Variants in NYAP2 observed in about 807,000 individuals in gnomAD.
NYAP2 encodes neuronal tyrosine-phosphorylated phosphoinositide-3-kinase adaptor 2.
NYAP2 carries 23 observed loss-of-function variants against 50.4 expected under a neutral mutation model. The ratio of observed to expected loss-of-function variants is 0.46; its 90% CI spans 0.33 to 0.65. NYAP2 has a LOEUF of 0.65. Among genes scored for constraint, NYAP2 ranks in the 30% least tolerant of loss-of-function variants. The pLI, the probability that NYAP2 is intolerant of heterozygous loss-of-function variation, is 0.02. For synonymous variants in NYAP2, 394 were observed against 365.2 expected (o/e 1.08, Z -0.90); for missense variants, 885 against 861.0 (o/e 1.03, Z -0.35).
rs1249412771 is a variant in NYAP2, at chr2:225,649,499, T to C, written c.1829-1933T>C. On this transcript the variant is annotated intron_variant, in intron 6 of 6. Transcript: ENST00000636099. ...TATCACAGCACCCTCTACGTCTTCC[T>C]TCTAACATATTTCCTAATTTTTGGC... Among the ~76,000 whole-genome samples, 4 of 152,200 alleles carry C rather than the reference T, an allele frequency of 2.6e-5. No homozygotes were observed. In the East Asian group the frequency reaches 7.7e-4, roughly 29 times the overall value.
In NYAP2 at chr2:225,582,353, A is replaced by G. The variant is rs1459551412; in HGVS notation, c.936A>G (p.Pro312=). The change falls in exon 5 of 7, where the codon CCA becomes CCG. Residue 312 remains proline, a synonymous_variant. Coordinates refer to ENST00000636099, the Ensembl canonical transcript of NYAP2. This position sits in a 1 kb window ranked among gnomAD's most constrained non-coding sequence, Gnocchi z 7.0. The stretch of plus-strand genomic sequence containing the variant: ...TGGACTTCGCCAAGGCCTCAGTGCC[A>G]TGCCCCCCCAAGGGGCTGCTTTGCG... 1.9e-6 allele frequency: 3 copies of G among 1,613,538 alleles called. No individual in the cohort carries two copies. Among genetic ancestry groups the G allele is most frequent in the Non-Finnish European group, 1.7e-6 (2 of 1,179,496 alleles).
the NYAP2 span, among the ~76,000 whole-genome samples, chr2:225,668,055 C>A: frequency 6.6e-6 from 1 of 152,098 alleles, no homozygotes; most frequent in Non-Finnish European, 1.5e-5. Context: ...CAATATTATA[C>A]CCCTCCCCAG....
At chr2:225,508,747 G>A (rs1203312531) in intron 3 of NYAP2, among the ~76,000 whole-genome samples, 2 of 152,230 alleles carry the variant, frequency 1.3e-5, no homozygotes, top group African/African-American at 4.8e-5. Flanking sequence ...AAGTAATCAG[G>A]TGTAATACCT....
chr2:225,609,063 T>G (rs1051128454), intron 5 of NYAP2, among the ~76,000 whole-genome samples: 1 of 152,174 alleles, frequency 6.6e-6, no homozygotes, highest in Non-Finnish European at 1.5e-5. Context: ...TCTTGTCATA[T>G]TCTTGCTCAA....
At chr2:225,645,191 G>A (rs1693608462) in intron 6 of NYAP2, among the ~76,000 whole-genome samples, 1 of 151,318 alleles carries the variant, frequency 6.6e-6, no homozygotes, top group South Asian at 2.1e-4. Context: ...CCGGAAGGTG[G>A]AGGTTGCAGT....
intron 5 of NYAP2, among the ~76,000 whole-genome samples, chr2:225,587,090 A>G (rs1185521716): frequency 6.6e-6 from 1 of 152,168 alleles, no homozygotes; most frequent in Non-Finnish European, 1.5e-5. Context: ...CTATCACAAG[A>G]ACAGCATGGG....
At chr2:225,676,743 C>T in the NYAP2 span, among the ~76,000 whole-genome samples, 8 of 152,200 alleles carry the variant, frequency 5.3e-5, no homozygotes, top group East Asian at 9.7e-4. Context: ...ATGGGAGCCA[C>T]AAGATAAGAT....
At chr2:225,585,960 A>C (rs1692383420) in intron 5 of NYAP2, among the ~76,000 whole-genome samples, 1 of 152,228 alleles carries the variant, frequency 6.6e-6, no homozygotes, top group Non-Finnish European at 1.5e-5. Flanking sequence ...AGTGATATGA[A>C]GTAGTATAAC....
At chr2:225,697,372 T>C in the NYAP2 span, among the ~76,000 whole-genome samples, 1 of 151,982 alleles carries the variant, frequency 6.6e-6, no homozygotes, top group Non-Finnish European at 1.5e-5. Context: ...CAGGGACCAA[T>C]GGTTCTAATG....
chr2:225,592,566 AT>A (rs1028702450), intron 5 of NYAP2, among the ~76,000 whole-genome samples: 2 of 151,944 alleles, frequency 1.3e-5, no homozygotes, highest in Non-Finnish European at 2.9e-5. Context: ...AAGTGAAGGG[AT>A]TTTTTTTCAG....
chr2:225,415,115 G>A (rs997312732), intron 3 of NYAP2, among the ~76,000 whole-genome samples: 5 of 152,004 alleles, frequency 3.3e-5, no homozygotes, highest in East Asian at 1.9e-4. Flanking sequence ...TGTTCCCTGT[G>A]GATGCCCTCA....
chr2:225,692,990 C>T, the NYAP2 span, among the ~76,000 whole-genome samples: 1 of 151,830 alleles, frequency 6.6e-6, no homozygotes, highest in Admixed American at 6.6e-5. Context: ...ATAGTGGGTT[C>T]CCACATATTC....
the NYAP2 span, among the ~76,000 whole-genome samples, chr2:225,697,524 G>A: frequency 2.6e-5 from 4 of 151,828 alleles, no homozygotes; most frequent in East Asian, 5.8e-4. Context: ...ACTACATTCT[G>A]TTTATAAATA....
chr2:225,631,552 T>C (rs1693316092), intron 6 of NYAP2, among the ~76,000 whole-genome samples: 1 of 152,188 alleles, frequency 6.6e-6, no homozygotes, highest in African/African-American at 2.4e-5. Flanking sequence ...GAGTTACATA[T>C]ATAATGTCAG....
the NYAP2 span, among the ~76,000 whole-genome samples, chr2:225,665,054 G>A: frequency 1.3e-5 from 2 of 152,190 alleles, no homozygotes; most frequent in African/African-American, 4.8e-5. Context: ...AAGGGATTAT[G>A]AAGCCTTCTC....
At chr2:225,533,308 T>C (rs7557191) in intron 4 of NYAP2, among the ~76,000 whole-genome samples, 1,722 of 152,298 alleles carry the variant, frequency 0.011, 26 homozygotes, top group African/African-American at 0.039. Flanking sequence ...ACTCTCCATA[T>C]ACAATCATTA....
At chr2:225,500,803 G>A (rs888703180) in intron 3 of NYAP2, among the ~76,000 whole-genome samples, 1 of 152,168 alleles carries the variant, frequency 6.6e-6, no homozygotes, top group African/African-American at 2.4e-5. Context: ...TACCTGGGAA[G>A]TACAGGTTTC....
intron 6 of NYAP2, among the ~76,000 whole-genome samples, chr2:225,634,660 G>A (rs1221598081): frequency 1.3e-5 from 2 of 152,210 alleles, no homozygotes; most frequent in Non-Finnish European, 2.9e-5. Flanking sequence ...CAAATGGTCA[G>A]GCAACCTGCA....
chr2:225,582,515 G>T lies in NYAP2; in HGVS notation c.1098G>T (p.Leu366=), dbSNP rs1174044160. 6.4e-7 allele frequency: 1 copy of T among 1,558,012 alleles called. No homozygotes were observed. The highest frequency in any genetic ancestry group is 2.3e-5 in the East Asian group (1 of 43,984). ...TGGAGGTCACGAAGCTTCCCGTGCT[G>T]GAAAACGTGTCTTACATGAAACAGC... The change falls in exon 5 of 7, where the codon CTG becomes CTT. Residue 366 remains leucine (L), a synonymous_variant. Coordinates refer to ENST00000636099, the Ensembl canonical transcript of NYAP2. This position sits in a 1 kb window ranked among gnomAD's most constrained non-coding sequence, Gnocchi z 7.0.
Sources: gnomAD v4.1 joint callset for allele counts (sites outside exome capture counted in the v4.1 genomes callset) on GRCh38, gnomAD v4.1.1 for gene constraint, Gnocchi (gnomAD v3.1) non-coding constraint, MANE v1.5 for transcripts, NCBI Gene and HGNC (gene_info 2026-07-23, HGNC 2026-07-21) for gene names.